The following MMEL1 variants were observed in gnomAD, a reference collection of about 807,000 sequenced individuals.
The protein encoded by MMEL1 is membrane metalloendopeptidase like 1.
Under a neutral mutation model 117.1 loss-of-function variants are expected in MMEL1, and 98 were observed. The observed-to-expected ratio is 0.84, with a 90% CI of 0.71 to 0.99. The LOEUF is 0.99. MMEL1 is among the 50% of genes least tolerant of loss of function. The pLI is 0.00. For synonymous variants in MMEL1, 390 were observed against 415.1 expected (o/e 0.94, Z 0.74); for missense variants, 1,014 against 1,049.1 (o/e 0.97, Z 0.46).
intron 2 of MMEL1, among the ~76,000 whole-genome samples, chr1:2,615,882 A>C (rs1293772443): frequency 6.6e-6 from 1 of 152,216 alleles, no homozygotes; most frequent in East Asian, 1.9e-4. Flanking sequence ...CTGACCAATA[A>C]ATATTTAAAG....
rs766019209 is a variant in MMEL1 at position 2,598,807 on chromosome 1, T to C, written c.1042-17A>G. The C allele has an allele frequency of 3.7e-6, 6 of 1,600,018 alleles. No homozygotes were observed. In the African/African-American group the frequency reaches 8.1e-5, roughly 21 times the overall value. ...GTTAAATCCCTGCAGATAGAGGAAGTGGGGAGAAAGAGGGAGAGAGAGAGA... is the reference window on the plus strand; with the variant it reads ...GTTAAATCCCTGCAGATAGAGGAAGCGGGGAGAAAGAGGGAGAGAGAGAGA... On this transcript the variant is annotated splice_polypyrimidine_tract_variant and intron_variant, in intron 11 of 23. Coordinates refer to ENST00000378412, the MANE Select transcript of MMEL1 (RefSeq NM_033467.4).
At chr1:2,606,441 G>C (rs1225985165) in intron 7 of MMEL1, 75 bp from the exon 8 acceptor site, 1 of 1,129,594 alleles carries the variant, frequency 8.9e-7, no homozygotes, top group African/African-American at 1.5e-5. Flanking sequence ...GGTGAATCTG[G>C]CCTCCGGAGC....
At chr1:2,594,691 A>G in intron 17 of MMEL1, 99 bp downstream of exon 17, 2 of 1,079,992 alleles carry the variant, frequency 1.9e-6, no homozygotes, top group Non-Finnish European at 2.8e-6. Context: ...ACTGGACCCC[A>G]GCCACGCATC....
chr1:2,604,353 G>A (rs774329792), intron 9 of MMEL1, 72 bp from the exon 10 acceptor site: 24 of 1,582,872 alleles, frequency 1.5e-5, no homozygotes, highest in African/African-American at 4.0e-5. Context: ...TTCTGTGGGG[G>A]TGGGGTGGGC....
At chr1:2,620,778 G>A (rs79245968) in intron 2 of MMEL1, among the ~76,000 whole-genome samples, 7 of 148,194 alleles carry the variant, frequency 4.7e-5, no homozygotes, top group South Asian at 4.3e-4. Context: ...ATAAAATAAT[G>A]AAAAAAAAAA....
chr1:2,617,343 C>T (rs1003606578), intron 2 of MMEL1, among the ~76,000 whole-genome samples: 2 of 146,838 alleles, frequency 1.4e-5, no homozygotes, highest in African/African-American at 5.1e-5. Flanking sequence ...AGGAGAATGG[C>T]GTGAACCCGG....
chr1:2,625,490 C>T (rs1404458968), intron 2 of MMEL1, among the ~76,000 whole-genome samples: 1 of 152,184 alleles, frequency 6.6e-6, no homozygotes, highest in Non-Finnish European at 1.5e-5. Context: ...GTGTCAGTGG[C>T]AGATAGATAG....
intron 4 of MMEL1, 67 bp downstream of exon 4, chr1:2,611,214 A>G (rs10910111): frequency 0.38 from 558,004 of 1,469,738 alleles, 111,993 homozygotes; most frequent in African/African-American, 0.68. Flanking sequence ...GGCGGGGCCT[A>G]CGTCAGTGTC....
At position 2,607,830 on chromosome 1, in the gene MMEL1, T is replaced by G. The variant is rs529183239; in HGVS notation, c.536-761A>C. Among the ~76,000 whole-genome samples the G allele has an allele frequency of 5.3e-5, 8 of 152,118 alleles. No homozygotes were observed. The East Asian group carries it at 1.6e-3, about 30-fold the overall frequency. On this transcript the variant is annotated intron_variant, in intron 6 of 23. Transcript: ENST00000378412. Reference sequence around the variant, plus strand: ...TCCTCTGGGCTTGGCTAGGGTCCTATGCTGGAGGAAGGGACAGACATTCCA... The same window carrying G: ...TCCTCTGGGCTTGGCTAGGGTCCTAGGCTGGAGGAAGGGACAGACATTCCA...
At position 2,606,962 on chromosome 1, in the gene MMEL1, G is replaced by T. The variant is rs778377835; in HGVS notation, c.631+12C>A. 6 of 1,609,330 alleles carry T rather than the reference G, an allele frequency of 3.7e-6. No individual in the cohort carries two copies. The highest frequency in any genetic ancestry group is 2.2e-5 in the South Asian group (2 of 91,054). On this transcript the variant is annotated intron_variant, in intron 7 of 23. Transcript: ENST00000378412. Reference sequence around the variant, plus strand: ...TGTCTGTCTGTGAGGCTGCTGCCAGGCCCGGCCTTACCTACGGTCTCGTTC... The same window carrying T: ...TGTCTGTCTGTGAGGCTGCTGCCAGTCCCGGCCTTACCTACGGTCTCGTTC...
intron 6 of MMEL1, among the ~76,000 whole-genome samples, chr1:2,608,289 T>C (rs1397424017): frequency 6.6e-6 from 1 of 152,044 alleles, no homozygotes; most frequent in Non-Finnish European, 1.5e-5. Context: ...AGAAGCTGTC[T>C]CTACAGCAGC....
chr1:2,604,422 GCA>G (rs1644988609), intron 9 of MMEL1, 141 bp from the exon 10 acceptor site: 5 of 1,219,170 alleles, frequency 4.1e-6, no homozygotes, highest in Non-Finnish European at 5.7e-6. Context: ...AGGCTCTCGG[GCA>G]CACAGAGTGC....
At chr1:2,617,408 CAGAG>C (rs1442918360) in intron 2 of MMEL1, among the ~76,000 whole-genome samples, 1 of 116,906 alleles carries the variant, frequency 8.6e-6, no homozygotes, top group Non-Finnish European at 1.6e-5. Flanking sequence ...GCCTGGGCGA[CAGAG>C]AGAGACTCCG....
intron 9 of MMEL1, 146 bp from the exon 10 acceptor site, chr1:2,604,427 C>G: frequency 1.7e-6 from 2 of 1,189,386 alleles, no homozygotes; most frequent in Non-Finnish European, 2.4e-6. Flanking sequence ...CTCGGGCACA[C>G]AGAGTGCCGA....
rs1274857373 is a variant in MMEL1, at chr1:2,594,774, C to T, written c.1688+16G>A. ...CTGGCCCCCCCCGCCCATGCCGCAC[C>T]AGCGATGCCACTCACAGATTTGGGT... On this transcript the variant is annotated intron_variant, in intron 17 of 23. Transcript: ENST00000378412. 6.2e-7 allele frequency: 1 copy of T among 1,607,572 alleles called. No individual in the cohort carries two copies. Among genetic ancestry groups the T allele is most frequent in the Non-Finnish European group, 8.5e-7 (1 of 1,174,912 alleles).
At position 2,592,091 on chromosome 1, in the gene MMEL1, T is replaced by C. The variant is rs563870338; in HGVS notation, c.2068-64A>G. 228 of 1,403,626 alleles carry C rather than the reference T, an allele frequency of 1.6e-4. 1 individual carries two copies. Among genetic ancestry groups the C allele is most frequent in the Admixed American group, 1.5e-3 (84 of 56,986 alleles). 86.9% of individuals were successfully genotyped at this position (1,403,626 alleles called of 1,614,324 possible). ...GCCTGGACTCCAGAACCCTCAGATC[T>C]CAGGGCAGAGCAGAGGTCTGGCTCC... On this transcript the variant is annotated intron_variant, in intron 21 of 23. Transcript: ENST00000378412.
At chr1:2,594,599 G>C (rs929857816) in intron 17 of MMEL1, among the ~76,000 whole-genome samples, 156 bp from the exon 18 acceptor site, 1 of 152,214 alleles carries the variant, frequency 6.6e-6, no homozygotes, top group African/African-American at 2.4e-5. Flanking sequence ...CCCTGAGGAG[G>C]AGGCGACTTG....
At chr1:2,601,408 A>G (rs186526923) in intron 11 of MMEL1, among the ~76,000 whole-genome samples, 1 of 152,370 alleles carries the variant, frequency 6.6e-6, no homozygotes, top group East Asian at 1.9e-4. Context: ...CTGGAAATCC[A>G]TAAGAAAGAA....
At chr1:2,592,804 G>T in intron 20 of MMEL1, 29 bp downstream of exon 20, 1 of 1,612,454 alleles carries the variant, frequency 6.2e-7, no homozygotes, top group African/African-American at 1.3e-5. Flanking sequence ...CGGTACCCCC[G>T]CAGCCTGGGT....
Sources: gnomAD v4.1 joint callset for allele counts (sites outside exome capture counted in the v4.1 genomes callset) on GRCh38, gnomAD v4.1.1 for gene constraint, MANE v1.5 for transcripts, NCBI Gene and HGNC (gene_info 2026-07-23, HGNC 2026-07-21) for gene names.